Variants in PPFIA2 observed in about 807,000 individuals in gnomAD.
PPFIA2 encodes liprin-alpha-2.
A neutral mutation model predicts 175.5 loss-of-function variants in PPFIA2; 46 were observed. That is an observed-to-expected ratio of 0.26 (90% CI 0.21 to 0.34). PPFIA2 has a LOEUF of 0.34. PPFIA2 is among the 10% of genes least tolerant of loss of function. PPFIA2 has a pLI of 1.00. For missense variants in PPFIA2, 1,179 were observed against 1,506.1 expected, an observed-to-expected ratio of 0.78 and a Z score of 3.60; for synonymous variants, 568 against 511.4, an observed-to-expected ratio of 1.11 and a Z score of -1.49.
chr12:81,525,855 A>C (rs1471013678), intron 4 of PPFIA2, among the ~76,000 whole-genome samples: 2 of 152,206 alleles, frequency 1.3e-5, no homozygotes, highest in Admixed American at 6.5e-5. Flanking sequence ...ACCATATCTC[A>C]TTTATAAAAT....
chr12:81,529,545 G>T (rs991750014), intron 4 of PPFIA2, among the ~76,000 whole-genome samples: 2 of 136,684 alleles, frequency 1.5e-5, no homozygotes, highest in Non-Finnish European at 3.1e-5. Flanking sequence ...AAAGAGTGGC[G>T]GGGGGGCAGT....
Position 81,644,895 on chromosome 12 carries a change from C to T in PPFIA2, c.303+31896G>A, listed in dbSNP as rs2065845948. Among the ~76,000 whole-genome samples, 15 of 152,042 alleles carry T rather than the reference C, an allele frequency of 9.9e-5. No homozygotes were observed. The South Asian group carries it at 3.1e-3, about 32-fold the overall frequency. On this transcript the variant is annotated intron_variant, in intron 4 of 32. Transcript: ENST00000549396. ...TTTTTTAAATGCTAAAAGTATAAAA[C>T]ATTTTGGTAGCAATTTCAGTTATTA...
intron 4 of PPFIA2, among the ~76,000 whole-genome samples, chr12:81,658,186 T>G (rs528596297): frequency 6.6e-6 from 1 of 150,592 alleles, no homozygotes; most frequent in East Asian, 2.0e-4. Flanking sequence ...GAGAATCACT[T>G]GAACCCAGGA....
intron 4 of PPFIA2, among the ~76,000 whole-genome samples, chr12:81,648,012 A>G (rs999284539): frequency 6.7e-6 from 1 of 149,178 alleles, no homozygotes; most frequent in African/African-American, 2.4e-5. Context: ...GAAAAAAAAA[A>G]CTCAATCTAG....
intron 15 of PPFIA2, among the ~76,000 whole-genome samples, chr12:81,361,105 T>A (rs2029998400): frequency 6.6e-6 from 1 of 151,624 alleles, no homozygotes; most frequent in Non-Finnish European, 1.5e-5. Flanking sequence ...ATAGGCCAAA[T>A]CATCCTTCAT....
intron 4 of PPFIA2, among the ~76,000 whole-genome samples, chr12:81,639,652 T>C (rs547547645): frequency 2.6e-5 from 4 of 152,146 alleles, no homozygotes; most frequent in African/African-American, 4.8e-5. Flanking sequence ...AGCTGAGATA[T>C]ATGTGTTTTT....
At chr12:81,730,163 T>C (rs1421298628) in intron 3 of PPFIA2, among the ~76,000 whole-genome samples, 1 of 151,560 alleles carries the variant, frequency 6.6e-6, no homozygotes, top group African/African-American at 2.4e-5. Context: ...CTTTCCTCCT[T>C]TGCATAGAGA....
intron 8 of PPFIA2, among the ~76,000 whole-genome samples, chr12:81,405,183 A>C (rs533450473): frequency 3.3e-4 from 50 of 152,178 alleles, no homozygotes; most frequent in Non-Finnish European, 6.2e-4. Flanking sequence ...TTCACCCAAA[A>C]GGAGAATCAT....
intron 3 of PPFIA2, among the ~76,000 whole-genome samples, chr12:81,749,647 T>C (rs1322310966): frequency 2.1e-5 from 3 of 144,650 alleles, no homozygotes; most frequent in African/African-American, 4.9e-5. Flanking sequence ...TGTATAGAAA[T>C]GATCATCTTT....
chr12:81,459,939 C>T (rs999500487), intron 4 of PPFIA2, among the ~76,000 whole-genome samples: 3 of 152,068 alleles, frequency 2.0e-5, no homozygotes, highest in South Asian at 2.1e-4. Flanking sequence ...AACTCACAAG[C>T]CATAGGGAGT....
chr12:81,316,159 TG>T (rs1460028381), intron 22 of PPFIA2, among the ~76,000 whole-genome samples: 1 of 151,608 alleles, frequency 6.6e-6, no homozygotes, highest in African/African-American at 2.4e-5. Context: ...TTGAATTTTT[TG>T]TCTGTAAAAC....
chr12:81,499,218 T>G (rs1594056376), intron 4 of PPFIA2, among the ~76,000 whole-genome samples: 1 of 152,198 alleles, frequency 6.6e-6, no homozygotes, highest in East Asian at 1.9e-4. Context: ...GGGTGCACCA[T>G]TCCACATCTG....
chr12:81,459,973 C>T (rs2054240957), intron 4 of PPFIA2, among the ~76,000 whole-genome samples: 1 of 152,100 alleles, frequency 6.6e-6, no homozygotes, highest in South Asian at 2.1e-4. Context: ...GCATCATTCT[C>T]CACTGCAAGT....
chr12:81,329,318 C>T (rs1286815301), intron 21 of PPFIA2, among the ~76,000 whole-genome samples: 3 of 152,144 alleles, frequency 2.0e-5, no homozygotes, highest in Non-Finnish European at 4.4e-5. Context: ...ATCACCTTGT[C>T]AGGGTCCGCC....
At chr12:81,355,053 G>A (rs903793229) in intron 16 of PPFIA2, among the ~76,000 whole-genome samples, 14 of 152,100 alleles carry the variant, frequency 9.2e-5, no homozygotes, top group African/African-American at 3.4e-4. Context: ...ATCCATCAGA[G>A]GAGTCACTAC....
intron 4 of PPFIA2, among the ~76,000 whole-genome samples, chr12:81,588,784 C>T (rs1255896098): frequency 1.3e-5 from 2 of 151,964 alleles, no homozygotes; most frequent in East Asian, 1.9e-4. Context: ...ATGGACCATA[C>T]CATACCACTG....
chr12:81,630,899 A>ATAT (rs1411924550), intron 4 of PPFIA2, among the ~76,000 whole-genome samples: 26 of 106,474 alleles, frequency 2.4e-4, no homozygotes, highest in East Asian at 9.5e-4. Flanking sequence ...ATATATATAT[A>ATAT]TTTTTTTTTT....
intron 24 of PPFIA2, 108 bp downstream of exon 24, chr12:81,294,727 A>T: frequency 1.9e-6 from 2 of 1,028,508 alleles, no homozygotes; most frequent in Non-Finnish European, 2.9e-6. Context: ...TCTTGAGAAT[A>T]ATTCAAGCTG....
In PPFIA2 at chr12:81,339,340, A is replaced by G. The variant is rs778875842; in HGVS notation, c.2394-6T>C. Reference sequence around the variant, plus strand: ...CAAGAGAGACAGATAAACTACTGCAAAACACAAAAGAGGAAAATACATGCA... The same window carrying G: ...CAAGAGAGACAGATAAACTACTGCAGAACACAAAAGAGGAAAATACATGCA... On this transcript the variant is annotated splice_region_variant and splice_polypyrimidine_tract_variant and intron_variant, in intron 20 of 32. Transcript: ENST00000549396. 3 of 1,564,446 alleles carry G rather than the reference A, an allele frequency of 1.9e-6. No individual in the cohort carries two copies. The highest frequency in any genetic ancestry group is 2.6e-6 in the Non-Finnish European group (3 of 1,158,844).
Sources: allele counts gnomAD v4.1 joint callset (sites outside exome capture counted in the v4.1 genomes callset), GRCh38; gene constraint gnomAD v4.1.1; transcripts MANE v1.5; gene names NCBI Gene and HGNC (gene_info 2026-07-23, HGNC 2026-07-21).